The following ESR1 variants were observed in gnomAD, a reference collection of about 807,000 sequenced individuals.
ESR1 encodes estrogen receptor 1, also known as estrogen receptor.
ESR1 carries 12 observed loss-of-function variants against 52.7 expected under a neutral mutation model. The observed-to-expected ratio is 0.23, with a 90% CI of 0.15 to 0.37. The LOEUF (loss-of-function observed/expected upper bound fraction) is 0.37. Among genes scored for constraint, ESR1 ranks in the 10% least tolerant of loss-of-function variants. The probability of loss-of-function intolerance (pLI) is 1.00; values close to 1 mark genes in which losing one functional copy is unlikely to be tolerated. For synonymous variants in ESR1, 305 were observed against 316.8 expected (o/e 0.96, Z 0.39); for missense variants, 584 against 779.7 (o/e 0.75, Z 2.99).
intron 1 of ESR1, among the ~76,000 whole-genome samples, chr6:151,812,800 T>C (rs1487368096): frequency 6.6e-6 from 1 of 152,124 alleles, no homozygotes; most frequent in Non-Finnish European, 1.5e-5. Flanking sequence ...TTTAGAACCA[T>C]ATGCATACTC....
At chr6:151,806,557 T>TATACACAC (rs1554259008), upstream of ESR1, among the ~76,000 whole-genome samples, 1 of 133,790 alleles carries the variant, frequency 7.5e-6, no homozygotes, top group African/African-American at 2.8e-5. Context: ...TATATATATA[T>TATACACAC]ACACATATAT....
chr6:151,949,279 T>TA (rs1239832025), intron 4 of ESR1, among the ~76,000 whole-genome samples: 3 of 152,176 alleles, frequency 2.0e-5, no homozygotes, highest in African/African-American at 7.2e-5. Flanking sequence ...TTAAAGTGGG[T>TA]AGGGATGAGG....
chr6:151,923,856 T>C (rs556230434), intron 3 of ESR1, among the ~76,000 whole-genome samples: 12 of 152,324 alleles, frequency 7.9e-5, no homozygotes, highest in African/African-American at 2.9e-4. Flanking sequence ...ATTGTGGTAA[T>C]AATGTGTTTA....
At chr6:151,837,242 G>A (rs985160986) in intron 1 of ESR1, among the ~76,000 whole-genome samples, 12 of 150,926 alleles carry the variant, frequency 8.0e-5, no homozygotes, top group African/African-American at 2.2e-4. Context: ...TGGGATTACA[G>A]GCACCTGCCA....
intron 2 of ESR1, among the ~76,000 whole-genome samples, chr6:151,797,109 G>A (rs543270281): frequency 1.3e-5 from 2 of 152,338 alleles, no homozygotes; most frequent in South Asian, 4.1e-4. Context: ...TGTCACTGGG[G>A]TTACAAGTGT....
At chr6:151,927,675 G>A (rs867304687) in intron 3 of ESR1, among the ~76,000 whole-genome samples, 49 of 151,880 alleles carry the variant, frequency 3.2e-4, no homozygotes, top group African/African-American at 1.1e-3. Flanking sequence ...GAGACCAGTC[G>A]TGGTGACTTC....
At chr6:151,982,704 G>A (rs952282006) in intron 4 of ESR1, among the ~76,000 whole-genome samples, 8 of 151,550 alleles carry the variant, frequency 5.3e-5, no homozygotes, top group Non-Finnish European at 1.0e-4. Context: ...CAGGATGGTC[G>A]TTAATTTTAA....
At chr6:151,928,665 T>TATATATTTTTCTTATCTA (rs1350040306) in intron 3 of ESR1, among the ~76,000 whole-genome samples, 22 of 151,976 alleles carry the variant, frequency 1.4e-4, no homozygotes, top group African/African-American at 3.1e-4. Flanking sequence ...TTATTGATAT[T>TATATATTTTTCTTATCTA]ATATATTTTT....
At chr6:152,036,221 G>T (rs183118805) in intron 5 of ESR1, among the ~76,000 whole-genome samples, 2 of 152,116 alleles carry the variant, frequency 1.3e-5, no homozygotes, top group Non-Finnish European at 2.9e-5. Flanking sequence ...TTAGCTGGGC[G>T]TGGTGGCGGG....
intron 6 of ESR1, among the ~76,000 whole-genome samples, chr6:152,078,376 A>G: frequency 6.6e-6 from 1 of 152,216 alleles, no homozygotes. Flanking sequence ...CTTTTCACAG[A>G]AAGCCAGGGT....
Position 151,736,375 on chromosome 6 carries a change from G to GTTCTTTTTTTTTTTTT in ESR1, c.-71+34372_-71+34373insCTTTTTTTTTTTTTTT, listed in dbSNP as rs748276035. Among the ~76,000 whole-genome samples the GTTCTTTTTTTTTTTTT allele has an allele frequency of 1.0e-3, 116 of 112,690 alleles. 9 individuals are homozygous for GTTCTTTTTTTTTTTTT. Among genetic ancestry groups the GTTCTTTTTTTTTTTTT allele is most frequent in the Non-Finnish European group, 1.4e-3 (83 of 57,560 alleles). 73.9% of individuals were successfully genotyped at this position (112,690 alleles called of 152,430 possible). On this transcript the variant is annotated intron_variant, in intron 2 of 2. Coordinates refer to the ESR1 transcript ENST00000404742. ...AAATACTTACTGTATTCCAGGTAGTGTTTTTTTTTTTTTTTGAGATGGAGT... is the reference window on the plus strand; with the variant it reads ...AAATACTTACTGTATTCCAGGTAGTGTTCTTTTTTTTTTTTTTTTTTTTTTTTTTTTGAGATGGAGT...
intron 3 of ESR1, among the ~76,000 whole-genome samples, chr6:151,937,602 T>C (rs2034517325): frequency 6.6e-6 from 1 of 152,088 alleles, no homozygotes; most frequent in Non-Finnish European, 1.5e-5. Context: ...AGTTTGTAGG[T>C]ATGAAAGGAG....
chr6:151,775,720 T>C (rs1231980312), intron 2 of ESR1, among the ~76,000 whole-genome samples: 1 of 143,310 alleles, frequency 7.0e-6, no homozygotes, highest in Non-Finnish European at 1.5e-5. Flanking sequence ...CACTCCAGCC[T>C]GGGTGACAAA....
intron 5 of ESR1, among the ~76,000 whole-genome samples, chr6:152,017,549 G>T (rs534796098): frequency 2.6e-5 from 4 of 152,228 alleles, no homozygotes; most frequent in Non-Finnish European, 5.9e-5. Flanking sequence ...ATCAGGAAAT[G>T]GAGAAAACTT....
At chr6:151,741,345 G>T (rs1783082850) in intron 2 of ESR1, among the ~76,000 whole-genome samples, 1 of 151,888 alleles carries the variant, frequency 6.6e-6, no homozygotes, top group Non-Finnish European at 1.5e-5. Flanking sequence ...TTATTTCTTT[G>T]TTATGGCACT....
At chr6:152,055,630 A>C (rs537515494) in intron 5 of ESR1, among the ~76,000 whole-genome samples, 2 of 151,800 alleles carry the variant, frequency 1.3e-5, no homozygotes, top group Non-Finnish European at 2.9e-5. Context: ...ATTCCCTTCC[A>C]TTTTTGCTTG....
At chr6:151,927,621 T>C (rs746638206) in intron 3 of ESR1, among the ~76,000 whole-genome samples, 12 of 152,198 alleles carry the variant, frequency 7.9e-5, no homozygotes, top group Non-Finnish European at 1.8e-4. Context: ...TTCGTGAGCA[T>C]AGAGTTGTTC....
At chr6:152,056,410 A>G (rs535361833) in intron 5 of ESR1, among the ~76,000 whole-genome samples, 1 of 152,302 alleles carries the variant, frequency 6.6e-6, no homozygotes, top group Non-Finnish European at 1.5e-5. Flanking sequence ...CTCAGTTTCC[A>G]TTTATCAGTT....
chr6:151,838,137 C>T (rs1402727942), intron 1 of ESR1, among the ~76,000 whole-genome samples: 2 of 152,210 alleles, frequency 1.3e-5, no homozygotes, highest in Admixed American at 6.5e-5. Context: ...GTAGCTGGGA[C>T]TGCAGGCATG....
Sources: allele counts gnomAD v4.1 joint callset (sites outside exome capture counted in the v4.1 genomes callset), GRCh38; gene constraint gnomAD v4.1.1; transcripts MANE v1.5; gene names NCBI Gene and HGNC (gene_info 2026-07-23, HGNC 2026-07-21).